NAA60: variants seen among roughly 807,000 people sequenced by gnomAD.
The protein encoded by NAA60 is N-alpha-acetyltransferase 60, NatF catalytic subunit, also known as N-alpha-acetyltransferase 60.
Under a neutral mutation model 26.1 loss-of-function variants are expected in NAA60, and 8 were observed. That is an observed-to-expected ratio of 0.31 (90% CI 0.18 to 0.55). The LOEUF (loss-of-function observed/expected upper bound fraction) is 0.55. Ranked by LOEUF, NAA60 falls within the 20% of genes least tolerant of loss-of-function variation. NAA60 has a pLI of 0.93. For synonymous variants in NAA60, 131 were observed against 122.5 expected (o/e 1.07, Z -0.46); for missense variants, 290 against 311.3 (o/e 0.93, Z 0.51).
At chr16:3,472,564 C>T (rs1229775043) in intron 2 of NAA60, among the ~76,000 whole-genome samples, 1 of 152,170 alleles carries the variant, frequency 6.6e-6, no homozygotes, top group Non-Finnish European at 1.5e-5. Context: ...TCCTAAGTAA[C>T]TGGGATTACA....
At chr16:3,457,754 C>G (rs1313625183) in intron 2 of NAA60, among the ~76,000 whole-genome samples, 1 of 152,210 alleles carries the variant, frequency 6.6e-6, no homozygotes, top group Non-Finnish European at 1.5e-5. Context: ...GGCCCGGAAA[C>G]CGCGCCACCG....
chr16:3,445,756 A>G (rs2034526252), intron 1 of NAA60, among the ~76,000 whole-genome samples: 1 of 152,168 alleles, frequency 6.6e-6, no homozygotes, highest in Admixed American at 6.6e-5. Context: ...ATGTGGTATT[A>G]ACTCAGTGGA....
intron 1 of NAA60, chr16:3,447,630 A>T (rs893625718): frequency 4.0e-5 from 39 of 985,254 alleles, no homozygotes; most frequent in Non-Finnish European, 4.6e-5. Flanking sequence ...GGTAAGCAAG[A>T]TTATCTTTCT....
intron 4 of NAA60, among the ~76,000 whole-genome samples, chr16:3,481,040 G>A (rs2036796809): frequency 6.6e-6 from 1 of 152,044 alleles, no homozygotes; most frequent in Non-Finnish European, 1.5e-5. Context: ...CACTTTTTCT[G>A]CCCTAGCTTC....
rs561135121 is a variant in NAA60 at position 3,458,008 on chromosome 16, C to T, written c.-7+9468C>T. On this transcript the variant is annotated intron_variant, in intron 2 of 7. Transcript: ENST00000407558. ...CCAATGGGCTTCCGGGCTGCGCTGC[C>T]GGCAGGGAGCGGGAGGCGGAAGTGC... The T allele has an allele frequency of 1.3e-5, 13 of 985,326 alleles. No homozygotes were observed. The South Asian group carries it at 1.9e-4, about 14-fold the overall frequency. 61.0% of individuals were successfully genotyped at this position (985,326 alleles called of 1,614,324 possible).
intron 1 of NAA60, among the ~76,000 whole-genome samples, chr16:3,444,623 A>C (rs2034476170): frequency 1.3e-5 from 2 of 152,198 alleles, no homozygotes; most frequent in African/African-American, 2.4e-5. Flanking sequence ...GATTTTGTGG[A>C]ATATCTGATA....
rs147045034 is a variant in NAA60 at position 3,467,104 on chromosome 16, G to A, written c.-6-9118G>A. Among the ~76,000 whole-genome samples the A allele has an allele frequency of 4.6e-5, 7 of 152,236 alleles. No individual in the cohort carries two copies. The South Asian group carries it at 8.3e-4, about 18-fold the overall frequency. The stretch of plus-strand genomic sequence containing the variant: ...TGGGTGCTTGGGCCAGAGAGAAAGA[G>A]CCTGAGGAGCTGGACCAGGGGTTGG... On this transcript the variant is annotated intron_variant, in intron 2 of 7. Coordinates refer to ENST00000407558, the MANE Select transcript of NAA60 (RefSeq NM_001083601.3).
In NAA60 at chr16:3,485,040, A is replaced by G. The variant is rs1343230041; in HGVS notation, c.*185A>G. ...GGAACAGAACATCGTGGGCATGCGC[A>G]GAGCATGCCCATCCGTGGCAGGTAC... On this transcript the variant is annotated 3_prime_UTR_variant, in exon 7 of 8. Transcript: ENST00000407558. 6.7e-7 allele frequency: 1 copy of G among 1,486,198 alleles called. No homozygotes were observed. Among genetic ancestry groups the G allele is most frequent in the East Asian group, 2.5e-5 (1 of 40,438 alleles). The allele number at this position is 1,486,198 out of a possible 1,614,324, so 92.1% of individuals were successfully genotyped here.
At chr16:3,459,790 C>G (rs2035257063) in intron 2 of NAA60, among the ~76,000 whole-genome samples, 1 of 152,180 alleles carries the variant, frequency 6.6e-6, no homozygotes, top group Non-Finnish European at 1.5e-5. Flanking sequence ...TATCTTTAGC[C>G]TCTCCTGGTT....
chr16:3,462,088 A>AAAAAAAAAAAC (rs2150968103), intron 2 of NAA60, among the ~76,000 whole-genome samples: 1 of 147,652 alleles, frequency 6.8e-6, no homozygotes, highest in East Asian at 2.0e-4. Context: ...CCTTATATCA[A>AAAAAAAAAAAC]AAAAAAAAAA....
intron 1 of NAA60, among the ~76,000 whole-genome samples, chr16:3,445,084 A>C (rs935927678): frequency 3.2e-4 from 48 of 152,208 alleles, no homozygotes. Flanking sequence ...GTGAAGTCCC[A>C]GTAAAGGTGC....
At chr16:3,483,302 GC>G (rs1431647150) in intron 5 of NAA60, 60 bp from the exon 6 acceptor site, 6 of 1,265,478 alleles carry the variant, frequency 4.7e-6, no homozygotes, top group Non-Finnish European at 6.8e-6. Flanking sequence ...CCCCATCCTA[GC>G]CCAGTCATCC....
At chr16:3,447,004 G>C (rs2034583468) in intron 1 of NAA60, among the ~76,000 whole-genome samples, 1 of 151,840 alleles carries the variant, frequency 6.6e-6, no homozygotes, top group Admixed American at 6.6e-5. Context: ...ACCACACCTG[G>C]CGAATTTTTG....
rs2035700096 is a variant in NAA60, at chr16:3,465,550, T to G, written c.-6-10672T>G. 2.0e-5 allele frequency among the ~76,000 whole-genome samples: 3 copies of G among 152,162 alleles called. No homozygotes were observed. In the South Asian group the frequency reaches 6.2e-4, roughly 32 times the overall value. ...GCAGGGAAGGTGCTGTCCCCCAGGC[T>G]GCAGACGGGGGTTAGTACAGCAACC... is the stretch of plus-strand genomic sequence containing the variant. On this transcript the variant is annotated intron_variant, in intron 2 of 7. Coordinates refer to ENST00000407558, the MANE Select transcript of NAA60 (RefSeq NM_001083601.3).
chr16:3,453,871 C>G (rs1275536135), intron 2 of NAA60, among the ~76,000 whole-genome samples: 1 of 152,102 alleles, frequency 6.6e-6, no homozygotes, highest in African/African-American at 2.4e-5. Flanking sequence ...TCCTCCCACC[C>G]CAACCCCATC....
Position 3,484,812 on chromosome 16 carries a change from G to T in NAA60, c.686G>T (p.Gly229Val), listed in dbSNP as rs991461534. 4 of 1,573,882 alleles carry T rather than the reference G, an allele frequency of 2.5e-6. No homozygotes were observed. Among genetic ancestry groups the T allele is most frequent in the South Asian group, 1.2e-5 (1 of 85,758 alleles). Residue 229 changes from glycine to valine, a missense_variant, in exon 7 of 8, where the codon GGC (glycine) becomes GTC (valine). Coordinates refer to ENST00000407558, the MANE Select transcript of NAA60 (RefSeq NM_001083601.3). The part of the protein sequence containing the change: ...SLLCSFLPWS[G>V]ISSKSGIEYS... ...CTCTGCAGCTTCCTGCCATGGTCGGGCATCTCTTCCAAGAGTGGCATCGAG... is the reference window on the plus strand; with the variant it reads ...CTCTGCAGCTTCCTGCCATGGTCGGTCATCTCTTCCAAGAGTGGCATCGAG...
chr16:3,476,135 G>A (rs1300776538), intron 2 of NAA60, 87 bp from the exon 3 acceptor site: 6 of 988,788 alleles, frequency 6.1e-6, no homozygotes, highest in East Asian at 2.6e-5. Flanking sequence ...GACATGCTCC[G>A]TGCTCTTCTG....
chr16:3,454,926 G>T (rs1174455140), intron 2 of NAA60, among the ~76,000 whole-genome samples: 1 of 152,218 alleles, frequency 6.6e-6, no homozygotes, highest in African/African-American at 2.4e-5. Flanking sequence ...AATATCTCCT[G>T]TAGTGACACA....
chr16:3,453,812 C>T (rs912446954), intron 2 of NAA60, among the ~76,000 whole-genome samples: 5 of 152,114 alleles, frequency 3.3e-5, no homozygotes, highest in African/African-American at 1.2e-4. Flanking sequence ...TTGTTTTTGA[C>T]CTGAATGTGT....
Sources: gnomAD v4.1 joint callset for allele counts (sites outside exome capture counted in the v4.1 genomes callset) on GRCh38, gnomAD v4.1.1 for gene constraint, MANE v1.5 for transcripts, NCBI Gene and HGNC (gene_info 2026-07-23, HGNC 2026-07-21) for gene names.